The following VAV3 variants were observed in gnomAD, a reference collection of about 807,000 sequenced individuals.
VAV3 encodes vav guanine nucleotide exchange factor 3, also known as guanine nucleotide exchange factor VAV3.
VAV3 carries 94 observed loss-of-function variants against 131.2 expected under a neutral mutation model. That is an observed-to-expected ratio of 0.72 (90% CI 0.61 to 0.85). VAV3 has a LOEUF of 0.85. Ranked by LOEUF, VAV3 falls within the 40% of genes least tolerant of loss-of-function variation. The probability of loss-of-function intolerance (pLI) is 0.00; values close to 1 mark genes in which losing one functional copy is unlikely to be tolerated. For synonymous variants in VAV3, 349 were observed against 342.0 expected, an observed-to-expected ratio of 1.02 and a Z score of -0.22; for missense variants, 939 against 1,002.7, an observed-to-expected ratio of 0.94 and a Z score of 0.86.
chr1:107,708,337 C>CA lies in VAV3; in HGVS notation c.1503-3277dup, dbSNP rs146152466. ...AAACAGATTAGTTAACTCGCTCAGTCATGCTGATACACATAAAGAATTCCA... is the reference window on the plus strand; with the variant it reads ...AAACAGATTAGTTAACTCGCTCAGTCAATGCTGATACACATAAAGAATTCCA... On this transcript the variant is annotated intron_variant, in intron 15 of 26. Coordinates refer to ENST00000370056, the MANE Select transcript of VAV3 (RefSeq NM_006113.5). Among the ~76,000 whole-genome samples, 94 of 152,298 alleles carry CA rather than the reference C, an allele frequency of 6.2e-4. 1 individual carries two copies. Among genetic ancestry groups the CA allele is most frequent in the Non-Finnish European group, 9.9e-4 (67 of 68,018 alleles).
At chr1:107,714,442 G>C (rs752011451) in intron 15 of VAV3, among the ~76,000 whole-genome samples, 26 of 152,042 alleles carry the variant, frequency 1.7e-4, no homozygotes, top group Non-Finnish European at 3.2e-4. Context: ...CCTAAAGTTA[G>C]ACTTTCCCAT....
chr1:107,922,050 G>C (rs1672925159), intron 1 of VAV3, among the ~76,000 whole-genome samples: 1 of 152,162 alleles, frequency 6.6e-6, no homozygotes. Context: ...CTTGTGAAAT[G>C]CATGAATTAG....
At chr1:107,687,659 A>G (rs1278219286) in intron 18 of VAV3, among the ~76,000 whole-genome samples, 7 of 152,166 alleles carry the variant, frequency 4.6e-5, no homozygotes, top group Admixed American at 6.5e-5. Flanking sequence ...CTGAAATTTT[A>G]TAATTTTGGG....
At chr1:107,918,705 A>ATATATATT (rs1274987055) in intron 1 of VAV3, among the ~76,000 whole-genome samples, 22 of 76,998 alleles carry the variant, frequency 2.9e-4, no homozygotes, top group Non-Finnish European at 4.2e-4. Flanking sequence ...ATATATATAT[A>ATATATATT]TTTTTTTTTT....
At chr1:107,752,793 C>T (rs1267526892) in intron 12 of VAV3, among the ~76,000 whole-genome samples, 2 of 152,062 alleles carry the variant, frequency 1.3e-5, no homozygotes, top group Admixed American at 6.6e-5. Flanking sequence ...CCAAACAAAC[C>T]GAATAGTGAG....
At chr1:107,745,042 C>T (rs1433973859) in intron 15 of VAV3, among the ~76,000 whole-genome samples, 1 of 152,136 alleles carries the variant, frequency 6.6e-6, no homozygotes, top group Non-Finnish European at 1.5e-5. Context: ...GAAAACATAT[C>T]CATAGCTTCT....
intron 19 of VAV3, among the ~76,000 whole-genome samples, chr1:107,662,456 TAA>T (rs1657090118): frequency 6.6e-6 from 1 of 152,132 alleles, no homozygotes; most frequent in Non-Finnish European, 1.5e-5. Context: ...CACAGGGATA[TAA>T]GTTATCTCTC....
At chr1:107,720,464 A>C (rs1661427576) in intron 15 of VAV3, among the ~76,000 whole-genome samples, 1 of 150,040 alleles carries the variant, frequency 6.7e-6, no homozygotes, top group African/African-American at 2.4e-5. Flanking sequence ...AAAAAAAAAA[A>C]AAAAAGGAGT....
chr1:107,864,566 T>A (rs1557889085), intron 2 of VAV3, among the ~76,000 whole-genome samples: 1 of 152,182 alleles, frequency 6.6e-6, no homozygotes, highest in South Asian at 2.1e-4. Context: ...GAGGTTGCAG[T>A]GAGCCAAGAC....
At chr1:107,837,487 ACTC>A (rs1398507572) in intron 2 of VAV3, among the ~76,000 whole-genome samples, 2 of 152,090 alleles carry the variant, frequency 1.3e-5, no homozygotes, top group Non-Finnish European at 1.5e-5. Flanking sequence ...ATTCAACACT[ACTC>A]CTATCAAACT....
chr1:107,783,107 T>C (rs752738355), intron 2 of VAV3, among the ~76,000 whole-genome samples: 5 of 152,156 alleles, frequency 3.3e-5, no homozygotes, highest in Non-Finnish European at 5.9e-5. Context: ...ATGAAAATCA[T>C]CCTGGATAGC....
At chr1:107,734,114 T>C (rs563896674) in intron 15 of VAV3, among the ~76,000 whole-genome samples, 1 of 152,326 alleles carries the variant, frequency 6.6e-6, no homozygotes, top group South Asian at 2.1e-4. Context: ...CAAACTAAGC[T>C]TCCTAAGTGA....
intron 2 of VAV3, among the ~76,000 whole-genome samples, chr1:107,805,871 C>A (rs1667035766): frequency 6.6e-6 from 1 of 152,092 alleles, no homozygotes; most frequent in South Asian, 2.1e-4. Context: ...TTAGATGGAA[C>A]CTTAAACCCA....
intron 2 of VAV3, among the ~76,000 whole-genome samples, chr1:107,862,334 C>G (rs903795356): frequency 6.6e-6 from 1 of 151,358 alleles, no homozygotes; most frequent in African/African-American, 2.4e-5. Flanking sequence ...CCAGTTCCAC[C>G]CCCACACTAC....
In VAV3 at chr1:107,896,448, T is replaced by C. The variant is rs570250485; in HGVS notation, c.205-21431A>G. ...AAAATGCCACGTACATTCTCTGTAT[T>C]TATTGTACTGTTATTATTGTTCTGT... On this transcript the variant is annotated intron_variant, in intron 1 of 26. Coordinates refer to ENST00000370056, the MANE Select transcript of VAV3 (RefSeq NM_006113.5). Among the ~76,000 whole-genome samples, 7 of 152,340 alleles carry C rather than the reference T, an allele frequency of 4.6e-5. No homozygotes were observed. The East Asian group carries it at 1.3e-3, about 29-fold the overall frequency.
intron 22 of VAV3, among the ~76,000 whole-genome samples, chr1:107,605,981 C>T (rs778238967): frequency 1.1e-4 from 16 of 152,166 alleles, no homozygotes; most frequent in African/African-American, 2.2e-4. Flanking sequence ...GAGCCCTCCA[C>T]GCTCTTCTAA....
chr1:107,893,830 T>G (rs1460748753), intron 1 of VAV3, among the ~76,000 whole-genome samples: 1 of 152,244 alleles, frequency 6.6e-6, no homozygotes, highest in Non-Finnish European at 1.5e-5. Flanking sequence ...GGCATTGTTC[T>G]TCTTCACCAT....
At chr1:107,682,431 G>A (rs1658703313) in intron 19 of VAV3, among the ~76,000 whole-genome samples, 1 of 151,954 alleles carries the variant, frequency 6.6e-6, no homozygotes. Flanking sequence ...ATTATTGCAG[G>A]GAGTCCTCTG....
intron 17 of VAV3, among the ~76,000 whole-genome samples, chr1:107,690,644 A>G (rs1659367979): frequency 6.6e-6 from 1 of 152,138 alleles, no homozygotes; most frequent in African/African-American, 2.4e-5. Context: ...CATCAAGAGA[A>G]GCAACTTTCC....
Sources: allele counts gnomAD v4.1 joint callset (sites outside exome capture counted in the v4.1 genomes callset), GRCh38; gene constraint gnomAD v4.1.1; transcripts MANE v1.5; gene names NCBI Gene and HGNC (gene_info 2026-07-23, HGNC 2026-07-21).